Variants in GTPBP1 observed in about 807,000 individuals in gnomAD.
GTPBP1 encodes GTP binding protein 1.
In GTPBP1, 23 loss-of-function variants were observed where a neutral mutation model predicts 62.0. The observed-to-expected ratio is 0.37, with a 90% CI of 0.27 to 0.53. The LOEUF is 0.53. GTPBP1 is among the 20% of genes least tolerant of loss of function. GTPBP1 has a pLI of 0.89. For missense variants in GTPBP1, 640 were observed against 917.3 expected, an observed-to-expected ratio of 0.70 and a Z score of 3.90; for synonymous variants, 344 against 364.4, an observed-to-expected ratio of 0.94 and a Z score of 0.64.
Position 38,715,949 on chromosome 22 carries a change from C to T in GTPBP1, c.347C>T (p.Ser116Phe). Reference sequence around the variant, plus strand: ...CTGAGTGAAGCTGACATGGAGGCCTCCTACGCCACAGTGAAGAGCATGGCG... The same window carrying T: ...CTGAGTGAAGCTGACATGGAGGCCTTCTACGCCACAGTGAAGAGCATGGCG... ...YGLSEADMEA[S>F]YATVKSMAEQ... is the part of the protein sequence containing the mutation. The change falls in exon 3 of 12, where the codon TCC (serine) becomes TTC (phenylalanine). Residue 116 changes from serine (S) to phenylalanine (F), a missense_variant. This residue lies in a region of GTPBP1 where 215 missense variants were observed against 235.1 expected (regional missense o/e 0.91). Coordinates refer to ENST00000216044, the MANE Select transcript of GTPBP1 (RefSeq NM_004286.5). 1 of 1,613,944 alleles carries T rather than the reference C, an allele frequency of 6.2e-7. No homozygotes were observed. The highest frequency in any genetic ancestry group is 8.5e-7 in the Non-Finnish European group (1 of 1,179,940).
Position 38,726,318 on chromosome 22 carries a change from C to A in GTPBP1, c.1279C>A (p.Leu427Met). 1 of 1,614,086 alleles carries A rather than the reference C, an allele frequency of 6.2e-7. No individual in the cohort carries two copies. Among genetic ancestry groups the A allele is most frequent in the Admixed American group, 1.7e-5 (1 of 60,006 alleles). ...LRGLIKLNDT[L>M]LLGPDPLGNF... Reference sequence around the variant, plus strand: ...AGGCCTGATCAAGCTGAATGACACGCTGCTGCTGGGCCCAGACCCCTTGGG... The same window carrying A: ...AGGCCTGATCAAGCTGAATGACACGATGCTGCTGGGCCCAGACCCCTTGGG... Residue 427 changes from leucine (L) to methionine (M), a missense_variant, in exon 8 of 12, where the codon CTG becomes ATG. Leu to Met is a conservative substitution (Grantham distance 15). This residue lies in a region of GTPBP1 where 220 missense variants were observed against 358.1 expected (regional missense o/e 0.61). Coordinates refer to ENST00000216044, the MANE Select transcript of GTPBP1 (RefSeq NM_004286.5). The surrounding 1 kb of genome is among the most constrained non-coding windows in gnomAD (Gnocchi z 4.1).
Position 38,730,053 on chromosome 22 carries a change from C to T in GTPBP1, c.1917+391C>T, listed in dbSNP as rs535807275. ...GAGAGACACTGCCTTAGAGGGTCCTCCTCTGTCCCCTCCCTGACGTGCACA... is the reference window on the plus strand; with the variant it reads ...GAGAGACACTGCCTTAGAGGGTCCTTCTCTGTCCCCTCCCTGACGTGCACA... On this transcript the variant is annotated intron_variant, in intron 11 of 11. Coordinates refer to ENST00000216044, the MANE Select transcript of GTPBP1 (RefSeq NM_004286.5). The surrounding 1 kb of genome is among the most constrained non-coding windows in gnomAD (Gnocchi z 5.6). Among the ~76,000 whole-genome samples the T allele has an allele frequency of 2.6e-5, 4 of 152,312 alleles. No individual in the cohort carries two copies. Among genetic ancestry groups the T allele is most frequent in the South Asian group, 4.1e-4 (2 of 4,824 alleles).
At chr22:38,725,924 C>A in intron 6 of GTPBP1, 82 bp from the exon 7 acceptor site, 1 of 1,334,136 alleles carries the variant, frequency 7.5e-7, no homozygotes, top group Non-Finnish European at 1.1e-6. Context: ...AGCCCTGTTG[C>A]TGCCCCTGGT....
At chr22:38,739,299 C>T (rs373250659), downstream of GTPBP1, 389 of 1,595,212 alleles carry the variant, frequency 2.4e-4, 1 homozygote, top group African/African-American at 2.1e-3. The surrounding 1 kb of genome is among the most constrained non-coding windows in gnomAD (Gnocchi z 6.7). Context: ...CCGGCCATTG[C>T]GGGGTCCAGG....
chr22:38,707,908 C>T (rs1410566399), intron 1 of GTPBP1, among the ~76,000 whole-genome samples: 2 of 152,108 alleles, frequency 1.3e-5, no homozygotes, highest in African/African-American at 2.4e-5. Flanking sequence ...CATGTCCTTA[C>T]GATAGAAAAT....
chr22:38,742,824 A>T, downstream of GTPBP1: 1 of 428,516 alleles, frequency 2.3e-6, no homozygotes, highest in Non-Finnish European at 4.2e-6. Context: ...AGGAGGAAGG[A>T]AGGTGGGCCG....
downstream of GTPBP1, chr22:38,739,518 C>A (rs1344199572): frequency 1.4e-6 from 2 of 1,462,114 alleles, no homozygotes; most frequent in African/African-American, 2.8e-5. The surrounding 1 kb of genome is among the most constrained non-coding windows in gnomAD (Gnocchi z 6.7). Context: ...CATGGGCTGA[C>A]CCCTTCTAGG....
At chr22:38,724,541 AT>A in intron 6 of GTPBP1, 130 bp downstream of exon 6, 3 of 612,604 alleles carry the variant, frequency 4.9e-6, no homozygotes, top group Non-Finnish European at 9.0e-6. Context: ...ACCTCTCCCT[AT>A]TCAGAGATCG....
At chr22:38,717,625 C>T (rs188560782) in intron 4 of GTPBP1, among the ~76,000 whole-genome samples, 4 of 152,296 alleles carry the variant, frequency 2.6e-5, no homozygotes, top group Admixed American at 2.0e-4. Flanking sequence ...TATTCCTGCT[C>T]GGAACATTAA....
At chr22:38,708,809 C>G in intron 1 of GTPBP1, 36 bp from the exon 2 acceptor site, 1 of 1,143,506 alleles carries the variant, frequency 8.7e-7, no homozygotes, top group Non-Finnish European at 1.3e-6. Context: ...GCTCTTCTAG[C>G]AAGTGTGGTC....
downstream of GTPBP1, chr22:38,737,638 A>C (rs958494348): frequency 2.7e-5 from 8 of 298,628 alleles, no homozygotes; most frequent in African/African-American, 4.5e-5. This position sits in a 1 kb window ranked among gnomAD's most constrained non-coding sequence, Gnocchi z 4.1. Context: ...CCAATTCCTC[A>C]CTCCAGGACT....
At chr22:38,736,369 C>T, downstream of GTPBP1, 1 of 1,613,464 alleles carries the variant, frequency 6.2e-7, no homozygotes, top group Non-Finnish European at 8.5e-7. Flanking sequence ...GGTACGTGGC[C>T]ATCGTAGGGG....
chr22:38,727,979 A>G lies in GTPBP1; in HGVS notation c.1538-4A>G, dbSNP rs372786995. The G allele has an allele frequency of 9.3e-6, 15 of 1,613,122 alleles. No homozygotes were observed. Among genetic ancestry groups the G allele is most frequent in the Non-Finnish European group, 1.3e-5 (15 of 1,179,384 alleles). ...CCTATCCTGACCTCTGGCTTCCTTG[A>G]CAGTGCACTGTGGGAGCATCAGGCA... is the stretch of plus-strand genomic sequence containing the variant. On this transcript the variant is annotated splice_region_variant and splice_polypyrimidine_tract_variant and intron_variant, in intron 9 of 11. Coordinates refer to ENST00000216044, the MANE Select transcript of GTPBP1 (RefSeq NM_004286.5). This position sits in a 1 kb window ranked among gnomAD's most constrained non-coding sequence, Gnocchi z 6.5.
downstream of GTPBP1, chr22:38,734,074 G>C (rs2092780687): frequency 3.6e-6 from 1 of 280,326 alleles, no homozygotes; most frequent in Admixed American, 5.2e-5. Context: ...CTGGATTTGT[G>C]CCTCACCCAG....
chr22:38,716,537 G>A lies in GTPBP1; in HGVS notation c.486-115G>A, dbSNP rs904031870. ...CCGGCTCAAGGAGGAGCTGTGAGCC[G>A]GAGGGGATCGGGGCAAGCCTGGACT... On this transcript the variant is annotated intron_variant, in intron 3 of 11. Coordinates refer to ENST00000216044, the MANE Select transcript of GTPBP1 (RefSeq NM_004286.5). This position sits in a 1 kb window ranked among gnomAD's most constrained non-coding sequence, Gnocchi z 5.2. 40 of 737,382 alleles carry A rather than the reference G, an allele frequency of 5.4e-5. No individual in the cohort carries two copies. Among genetic ancestry groups the A allele is most frequent in the Admixed American group, 1.7e-4 (7 of 41,746 alleles). 45.7% of individuals were successfully genotyped at this position (737,382 alleles called of 1,614,324 possible). A position where few individuals can be genotyped will look rare whatever the true frequency, so the allele number is the denominator to read the frequency against.
chr22:38,707,895 G>T (rs552780403), intron 1 of GTPBP1, among the ~76,000 whole-genome samples: 1 of 152,292 alleles, frequency 6.6e-6, no homozygotes, highest in East Asian at 1.9e-4. Flanking sequence ...GAAGCGAAAG[G>T]TTCATGTCCT....
downstream of GTPBP1, chr22:38,736,145 G>A: frequency 1.0e-6 from 1 of 963,718 alleles, no homozygotes; most frequent in Non-Finnish European, 1.7e-6. Context: ...TCATCTGCAT[G>A]GGGCCACAGG....
At position 38,730,217 on chromosome 22, in the gene GTPBP1, C is replaced by T. The variant is rs1195131261; in HGVS notation, c.1918-395C>T. 6.6e-6 allele frequency among the ~76,000 whole-genome samples: 1 copy of T among 152,242 alleles called. No homozygotes were observed. Among genetic ancestry groups the T allele is most frequent in the Non-Finnish European group, 1.5e-5 (1 of 68,044 alleles). On this transcript the variant is annotated intron_variant, in intron 11 of 11. Transcript: ENST00000216044. The surrounding 1 kb of genome is among the most constrained non-coding windows in gnomAD (Gnocchi z 5.6). Reference sequence around the variant, plus strand: ...TTGCACCCCTCTCCCCAGCATCTTTCTCCATTGTCCCCTCATTGGAAAAGG... The same window carrying T: ...TTGCACCCCTCTCCCCAGCATCTTTTTCCATTGTCCCCTCATTGGAAAAGG...
chr22:38,730,506 C>G lies in GTPBP1; in HGVS notation c.1918-106C>G, dbSNP rs1344241993. On this transcript the variant is annotated intron_variant, in intron 11 of 11. Transcript: ENST00000216044. The surrounding 1 kb of genome is among the most constrained non-coding windows in gnomAD (Gnocchi z 5.6). ...CAGGCTAGGGTGAGGACCACGCAGCCTGCTCACGCATCTTCCGTCCCTGTC... is the reference window on the plus strand; with the variant it reads ...CAGGCTAGGGTGAGGACCACGCAGCGTGCTCACGCATCTTCCGTCCCTGTC... 2 of 788,868 alleles carry G rather than the reference C, an allele frequency of 2.5e-6. No homozygotes were observed. The highest frequency in any genetic ancestry group is 3.3e-5 in the African/African-American group (2 of 59,738). The allele number at this position is 788,868 out of a possible 1,614,324, so 48.9% of individuals were successfully genotyped here. A position where few individuals can be genotyped will look rare whatever the true frequency, so the allele number is the denominator to read the frequency against.
Sources: gnomAD v4.1 joint callset for allele counts (sites outside exome capture counted in the v4.1 genomes callset) on GRCh38, gnomAD v4.1.1 for gene constraint, gnomAD v4.1.1 regional missense constraint, Gnocchi (gnomAD v3.1) non-coding constraint, MANE v1.5 for transcripts, NCBI Gene and HGNC (gene_info 2026-07-23, HGNC 2026-07-21) for gene names.